FBXO38: variants seen among roughly 807,000 people sequenced by gnomAD.
The protein encoded by FBXO38 is F-box only protein 38.
FBXO38 carries 53 observed loss-of-function variants against 131.9 expected under a neutral mutation model. The observed-to-expected ratio is 0.40, with a 90% CI of 0.32 to 0.51. The LOEUF (loss-of-function observed/expected upper bound fraction) is 0.51, where lower values mean the gene tolerates loss of function less well. FBXO38 is among the 20% of genes least tolerant of loss of function. The pLI, the probability that FBXO38 is intolerant of heterozygous loss-of-function variation, is 0.53. For synonymous variants in FBXO38, 452 were observed against 505.6 expected (o/e 0.89, Z 1.42); for missense variants, 1,076 against 1,475.6 (o/e 0.73, Z 4.44).
Position 148,427,407 on chromosome 5 carries a change from A to T in FBXO38, c.2113A>T (p.Ser705Cys). 6.2e-7 allele frequency: 1 copy of T among 1,614,192 alleles called. No homozygotes were observed. Among genetic ancestry groups the T allele is most frequent in the Non-Finnish European group, 8.5e-7 (1 of 1,180,028 alleles). The change falls in exon 15 of 22, where the codon AGC becomes TGC. Residue 705 changes from serine (S) to cysteine (C), a missense_variant. Ser to Cys is a moderately radical substitution (Grantham distance 112, BLOSUM62 -1). This residue lies in a region of FBXO38 where 213 missense variants were observed against 225.2 expected (regional missense o/e 0.95). Transcript: ENST00000340253. ...AAACAAGGATGTTTATCCCAGCTGC[A>T]GCAGCACCACCGCCAGCACAGTGGG... ...KKNKDVYPSC[S>C]STTASTVGNS...
chr5:148,403,810 A>G (rs1190221615), intron 5 of FBXO38, among the ~76,000 whole-genome samples: 8 of 152,176 alleles, frequency 5.3e-5, no homozygotes, highest in African/African-American at 1.4e-4. Context: ...CAGAGCTCCT[A>G]TTGTCTCAAA....
chr5:148,422,974 T>G (rs1193374017), intron 12 of FBXO38, among the ~76,000 whole-genome samples: 1 of 152,130 alleles, frequency 6.6e-6, no homozygotes, highest in Non-Finnish European at 1.5e-5. Flanking sequence ...GTTTGTTTGT[T>G]TGTTTGTTTG....
chr5:148,388,160 A>T (rs1426569317), intron 1 of FBXO38, among the ~76,000 whole-genome samples: 1 of 152,200 alleles, frequency 6.6e-6, no homozygotes, highest in Admixed American at 6.5e-5. Flanking sequence ...GAACAGTAAT[A>T]TTTTAAAAGG....
At chr5:148,414,057 G>T in intron 9 of FBXO38, 79 bp from the exon 10 acceptor site, 1 of 1,356,714 alleles carries the variant, frequency 7.4e-7, no homozygotes. Context: ...TATACTGACT[G>T]GTAAGATACA....
At chr5:148,406,222 A>T (rs1351938145) in intron 6 of FBXO38, 35 bp from the exon 7 acceptor site, 2 of 1,532,618 alleles carry the variant, frequency 1.3e-6, no homozygotes, top group Non-Finnish European at 1.8e-6. Flanking sequence ...AAGGCACTTT[A>T]CATTGTTCTA....
chr5:148,389,826 C>T (rs552710884), intron 1 of FBXO38: 12 of 152,118 alleles, frequency 7.9e-5, no homozygotes, highest in African/African-American at 2.7e-4. Context: ...GTCAGGAGTT[C>T]GATAGCAGTC....
intron 1 of FBXO38, among the ~76,000 whole-genome samples, chr5:148,391,474 T>A (rs933911773): frequency 7.2e-5 from 11 of 152,208 alleles, no homozygotes; most frequent in African/African-American, 2.7e-4. Flanking sequence ...GCTAGATTTT[T>A]ACAGGCAGTT....
intron 10 of FBXO38, among the ~76,000 whole-genome samples, chr5:148,415,665 G>A (rs1374591960): frequency 2.0e-5 from 3 of 152,066 alleles, no homozygotes; most frequent in South Asian, 2.1e-4. Context: ...TTGTTGAAAA[G>A]CCATGTAGGT....
intron 12 of FBXO38, among the ~76,000 whole-genome samples, chr5:148,418,626 A>G (rs977631288): frequency 2.0e-5 from 3 of 152,206 alleles, no homozygotes; most frequent in African/African-American, 4.8e-5. Context: ...CCTGAGTGCT[A>G]TGGTACATAG....
At chr5:148,423,141 T>G (rs924259088) in intron 12 of FBXO38, among the ~76,000 whole-genome samples, 1 of 152,196 alleles carries the variant, frequency 6.6e-6, no homozygotes, top group African/African-American at 2.4e-5. Context: ...CTGTTATAGC[T>G]CTTAGCAAGT....
intron 21 of FBXO38, 76 bp from the exon 22 acceptor site, chr5:148,441,893 T>C (rs1754704517): frequency 7.6e-7 from 1 of 1,307,288 alleles, no homozygotes; most frequent in Admixed American, 2.0e-5. Flanking sequence ...GACTGTCCTA[T>C]GGACCAGCTT....
At chr5:148,416,710 C>A in intron 11 of FBXO38, 2 of 386,646 alleles carry the variant, frequency 5.2e-6, no homozygotes, top group South Asian at 3.4e-5. Flanking sequence ...AGGTCAGAAT[C>A]CTGGTTTCAA....
chr5:148,423,112 T>A (rs934216033), intron 12 of FBXO38, among the ~76,000 whole-genome samples: 1 of 152,232 alleles, frequency 6.6e-6, no homozygotes, highest in Non-Finnish European at 1.5e-5. Flanking sequence ...CTTGTCTGTG[T>A]TCCCTTTGAA....
intron 12 of FBXO38, among the ~76,000 whole-genome samples, chr5:148,419,646 C>T (rs1027534450): frequency 1.3e-5 from 2 of 152,002 alleles, no homozygotes; most frequent in African/African-American, 2.4e-5. Flanking sequence ...GAGGTTGAGG[C>T]GGGAGGATGG....
At chr5:148,408,746 C>A (rs1351934844) in intron 7 of FBXO38, among the ~76,000 whole-genome samples, 1 of 152,060 alleles carries the variant, frequency 6.6e-6, no homozygotes, top group Non-Finnish European at 1.5e-5. Flanking sequence ...TTAAAAAAAT[C>A]AGTTAAAGTG....
In FBXO38 at chr5:148,405,405, A is replaced by G. The variant is rs149345515; in HGVS notation, c.730+583A>G. Reference sequence around the variant, plus strand: ...TATCAAGACAATTTTTCCTCTTCCAATGTGGCCCAAGGCAATTTTTCCTCT... The same window carrying G: ...TATCAAGACAATTTTTCCTCTTCCAGTGTGGCCCAAGGCAATTTTTCCTCT... On this transcript the variant is annotated intron_variant, in intron 6 of 21. Transcript: ENST00000340253. 6.4e-3 allele frequency among the ~76,000 whole-genome samples: 965 copies of G among 151,922 alleles called. 22 individuals are homozygous for G. Among genetic ancestry groups the G allele is most frequent in the African/African-American group, 0.022 (931 of 41,404 alleles).
At chr5:148,435,842 G>A (rs71580492) in intron 17 of FBXO38, among the ~76,000 whole-genome samples, 163 of 152,276 alleles carry the variant, frequency 1.1e-3, no homozygotes, top group Non-Finnish European at 1.9e-3. Flanking sequence ...GGCCATTGTA[G>A]TGTTATTAAT....
In FBXO38 at chr5:148,439,737, G is replaced by A. The variant is rs1754563911; in HGVS notation, c.3115G>A (p.Val1039Ile). The A allele has an allele frequency of 6.2e-7, 1 of 1,613,844 alleles. No individual in the cohort carries two copies. The highest frequency in any genetic ancestry group is 1.1e-5 in the South Asian group (1 of 91,074). Residue 1039 changes from valine (V) to isoleucine (I), a missense_variant, in exon 19 of 22, where the codon GTC (valine) becomes ATC (isoleucine). Coordinates refer to ENST00000340253, the MANE Select transcript of FBXO38 (RefSeq NM_205836.3). ...CCATGAATTCAGTAACCCTCCCAATGTCCGGAATAAGGTGCGCATTCGCAG... is the reference window on the plus strand; with the variant it reads ...CCATGAATTCAGTAACCCTCCCAATATCCGGAATAAGGTGCGCATTCGCAG... Reference protein sequence around the residue: ...IIHEFSNPPNVRNKVRIRSWM... With the variant: ...IIHEFSNPPNIRNKVRIRSWM...
chr5:148,392,148 C>G (rs1295817742), intron 1 of FBXO38, among the ~76,000 whole-genome samples: 1 of 152,062 alleles, frequency 6.6e-6, no homozygotes, highest in Non-Finnish European at 1.5e-5. Flanking sequence ...AGCTTTTCCT[C>G]GACCCTGAGG....
Sources: allele counts gnomAD v4.1 joint callset (sites outside exome capture counted in the v4.1 genomes callset), GRCh38; gene constraint gnomAD v4.1.1; regional missense constraint gnomAD v4.1.1; transcripts MANE v1.5; gene names NCBI Gene and HGNC (gene_info 2026-07-23, HGNC 2026-07-21).